Variants in PTPRD observed in about 807,000 individuals in gnomAD.
PTPRD encodes the protein receptor-type tyrosine-protein phosphatase delta.
PTPRD carries 34 observed loss-of-function variants against 214.5 expected under a neutral mutation model. The ratio of observed to expected loss-of-function variants is 0.16; its 90% CI spans 0.12 to 0.21. The LOEUF (loss-of-function observed/expected upper bound fraction) is 0.21. Among genes scored for constraint, PTPRD ranks in the 10% least tolerant of loss-of-function variants. PTPRD has a pLI of 1.00. For synonymous variants in PTPRD, 1,128 were observed against 845.7 expected (o/e 1.33, Z -5.79); for missense variants, 2,545 against 2,398.7 (o/e 1.06, Z -1.27).
intron 8 of PTPRD, among the ~76,000 whole-genome samples, chr9:9,526,318 T>C (rs2074108426): frequency 6.6e-6 from 1 of 152,188 alleles, no homozygotes; most frequent in African/African-American, 2.4e-5. Context: ...TGGGTGGGCA[T>C]GGACATGATT....
chr9:9,100,343 G>A (rs934865253), intron 10 of PTPRD, among the ~76,000 whole-genome samples: 4 of 152,130 alleles, frequency 2.6e-5, no homozygotes, highest in Non-Finnish European at 4.4e-5. Context: ...ATAGAAAAGA[G>A]CATGATGTCC....
At chr9:9,127,198 C>G (rs971014508) in intron 10 of PTPRD, among the ~76,000 whole-genome samples, 1 of 152,108 alleles carries the variant, frequency 6.6e-6, no homozygotes, top group Non-Finnish European at 1.5e-5. Flanking sequence ...TATGGGAAAA[C>G]GAGAATACCT....
intron 9 of PTPRD, among the ~76,000 whole-genome samples, chr9:9,192,893 A>G (rs1187089804): frequency 1.3e-5 from 2 of 152,088 alleles, no homozygotes; most frequent in African/African-American, 4.8e-5. Context: ...GAAAATCGCA[A>G]TCATTTCTCT....
At chr9:10,342,978 A>C (rs2096972421) in intron 2 of PTPRD, among the ~76,000 whole-genome samples, 1 of 152,034 alleles carries the variant, frequency 6.6e-6, no homozygotes, top group Admixed American at 6.6e-5. Flanking sequence ...TGTTTGTTAC[A>C]CACTTTTTAT....
intron 3 of PTPRD, among the ~76,000 whole-genome samples, chr9:10,259,355 TTC>T (rs1350738072): frequency 6.6e-6 from 1 of 152,162 alleles, no homozygotes; most frequent in East Asian, 1.9e-4. Flanking sequence ...GTGATTGACG[TTC>T]TTTTTCTTCC....
rs1172832617 is a variant in PTPRD, at chr9:8,518,318, T to A, written c.1073A>T (p.His358Leu). ...PEPVSYYIIQ[H>L]KPKNSEELYK... is the part of the protein sequence containing the mutation. The stretch of plus-strand genomic sequence containing the variant: ...AAGTTCCTCAGAGTTTTTAGGTTTA[T>A]GCTGAATTATGTAATAAGAAACAGG... The change falls in exon 21 of 46, where the codon CAT (histidine) becomes CTT (leucine). Residue 358 changes from histidine to leucine, a missense_variant. His to Leu is a moderately conservative substitution (Grantham distance 99). Transcript: ENST00000381196. 1.2e-6 allele frequency: 2 copies of A among 1,614,186 alleles called. No homozygotes were observed.
intron 11 of PTPRD, among the ~76,000 whole-genome samples, chr9:8,752,775 T>C (rs2093650043): frequency 6.6e-6 from 1 of 151,928 alleles, no homozygotes; most frequent in Admixed American, 6.6e-5. Context: ...CAAGAGTAAG[T>C]CCAATCATGA....
At chr9:9,290,658 G>C (rs1371514198) in intron 9 of PTPRD, among the ~76,000 whole-genome samples, 1 of 151,468 alleles carries the variant, frequency 6.6e-6, no homozygotes, top group African/African-American at 2.4e-5. Context: ...CTCGGTTAAT[G>C]ACTCTGTATG....
At chr9:8,754,311 T>C (rs575596477) in intron 11 of PTPRD, among the ~76,000 whole-genome samples, 50 of 152,234 alleles carry the variant, frequency 3.3e-4, no homozygotes, top group African/African-American at 1.2e-3. Flanking sequence ...GACAATCTTA[T>C]AGAAAAACAA....
At chr9:8,642,716 T>C (rs1057416651) in intron 12 of PTPRD, among the ~76,000 whole-genome samples, 2 of 152,196 alleles carry the variant, frequency 1.3e-5, no homozygotes, top group Non-Finnish European at 2.9e-5. Flanking sequence ...TGAGTTACCA[T>C]GGGACTTTAC....
chr9:10,041,295 T>C (rs2097293012), intron 3 of PTPRD, among the ~76,000 whole-genome samples: 1 of 151,990 alleles, frequency 6.6e-6, no homozygotes. Flanking sequence ...TGAAGAGGTT[T>C]CAATTTTTAT....
At chr9:10,401,234 T>C (rs1011475786) in intron 2 of PTPRD, among the ~76,000 whole-genome samples, 1 of 151,658 alleles carries the variant, frequency 6.6e-6, no homozygotes, top group Non-Finnish European at 1.5e-5. Context: ...GCAATTGTGC[T>C]ACTTTATTTT....
At chr9:10,362,315 C>T (rs10959076) in intron 2 of PTPRD, among the ~76,000 whole-genome samples, 99,102 of 151,054 alleles carry the variant, frequency 0.66, 33,316 homozygotes, top group African/African-American at 0.72. Context: ...TTGATCTTCA[C>T]AACAATCCTC....
intron 19 of PTPRD, among the ~76,000 whole-genome samples, chr9:8,522,536 C>T (rs2097912129): frequency 6.6e-6 from 1 of 152,102 alleles, no homozygotes; most frequent in Non-Finnish European, 1.5e-5. Flanking sequence ...GCTTTTTATG[C>T]CCACATTCAA....
At chr9:8,791,225 CCTTTTT>C (rs1209078036) in intron 11 of PTPRD, among the ~76,000 whole-genome samples, 3 of 150,552 alleles carry the variant, frequency 2.0e-5, no homozygotes, top group Non-Finnish European at 4.4e-5. Context: ...TTTTTTTTTT[CCTTTTT>C]CTTTTTCTTT....
intron 8 of PTPRD, chr9:9,414,879 T>C (rs2076542807): frequency 6.6e-6 from 1 of 152,156 alleles, no homozygotes; most frequent in Admixed American, 6.5e-5. Context: ...ACACATAAAA[T>C]TTAAAAGATA....
chr9:10,353,265 AC>A (rs2097212792), intron 2 of PTPRD, among the ~76,000 whole-genome samples: 1 of 151,962 alleles, frequency 6.6e-6, no homozygotes, highest in African/African-American at 2.4e-5. Context: ...TAATGTTCTT[AC>A]AAAAAACACA....
At chr9:9,195,121 T>C (rs984498407) in intron 9 of PTPRD, among the ~76,000 whole-genome samples, 3 of 146,052 alleles carry the variant, frequency 2.1e-5, no homozygotes, top group African/African-American at 2.5e-5. Flanking sequence ...CACACACACA[T>C]ATACATACAT....
At chr9:9,801,814 C>A (rs756858486) in intron 5 of PTPRD, among the ~76,000 whole-genome samples, 1 of 151,940 alleles carries the variant, frequency 6.6e-6, no homozygotes, top group Admixed American at 6.6e-5. Flanking sequence ...TTCTTTTATC[C>A]GTTGTCTATA....
Sources: allele counts gnomAD v4.1 joint callset (sites outside exome capture counted in the v4.1 genomes callset), GRCh38; gene constraint gnomAD v4.1.1; transcripts MANE v1.5; gene names NCBI Gene and HGNC (gene_info 2026-07-23, HGNC 2026-07-21).